Variants in GABRG2 observed in about 807,000 individuals in gnomAD.
GABRG2 encodes gamma-aminobutyric acid receptor subunit gamma-2.
In GABRG2, 16 loss-of-function variants were observed where a neutral mutation model predicts 56.4. That is an observed-to-expected ratio of 0.28 (90% CI 0.19 to 0.43). The LOEUF is 0.43. Ranked by LOEUF, GABRG2 falls within the 20% of genes least tolerant of loss-of-function variation. The probability of loss-of-function intolerance (pLI) is 1.00; values close to 1 mark genes in which losing one functional copy is unlikely to be tolerated. For synonymous variants in GABRG2, 208 were observed against 205.5 expected, an observed-to-expected ratio of 1.01 and a Z score of -0.10; for missense variants, 327 against 582.7, an observed-to-expected ratio of 0.56 and a Z score of 4.52.
chr5:162,086,522 C>G (rs571098194), intron 1 of GABRG2, among the ~76,000 whole-genome samples: 1 of 151,770 alleles, frequency 6.6e-6, no homozygotes, highest in African/African-American at 2.4e-5. Context: ...AAATAAAAAC[C>G]CATGTAATTG....
intron 6 of GABRG2, among the ~76,000 whole-genome samples, chr5:162,133,932 A>C (rs1301644530): frequency 6.6e-6 from 1 of 152,148 alleles, no homozygotes; most frequent in African/African-American, 2.4e-5. Context: ...TATTCCAGAC[A>C]AATGAGTTTT....
At chr5:162,141,214 T>A (rs1192752780) in intron 6 of GABRG2, among the ~76,000 whole-genome samples, 2 of 152,006 alleles carry the variant, frequency 1.3e-5, no homozygotes, top group Non-Finnish European at 2.9e-5. Flanking sequence ...TTTTTTGTAT[T>A]TTTTAGTAGA....
rs577410631 is a variant in GABRG2, at chr5:162,077,351, TTTA to T, written c.107+9253_107+9255del. Reference sequence around the variant, plus strand: ...TAATACTTATGCATATGAGTTCTTTTTTATTATTATGAATTCCATGGTATGAAT... The same window carrying T: ...TAATACTTATGCATATGAGTTCTTTTTTATTATGAATTCCATGGTATGAAT... On this transcript the variant is annotated intron_variant, in intron 1 of 9. Coordinates refer to ENST00000639213, the MANE Select transcript of GABRG2 (RefSeq NM_198904.4). 4.5e-4 allele frequency among the ~76,000 whole-genome samples: 69 copies of T among 152,296 alleles called. 1 individual carries two copies. In the South Asian group the frequency reaches 0.014, roughly 32 times the overall value.
chr5:162,129,630 A>C (rs1763583852), intron 6 of GABRG2, among the ~76,000 whole-genome samples: 1 of 151,956 alleles, frequency 6.6e-6, no homozygotes, highest in Non-Finnish European at 1.5e-5. Context: ...CATCTGCGAA[A>C]AAAACAGACC....
intron 6 of GABRG2, among the ~76,000 whole-genome samples, chr5:162,117,703 T>C (rs996673103): frequency 6.6e-6 from 1 of 152,122 alleles, no homozygotes; most frequent in Admixed American, 6.6e-5. Flanking sequence ...AATTAACAAG[T>C]GTAGGGGACC....
At chr5:162,138,146 A>G (rs950908291) in intron 6 of GABRG2, among the ~76,000 whole-genome samples, 4 of 152,152 alleles carry the variant, frequency 2.6e-5, no homozygotes, top group African/African-American at 9.7e-5. Context: ...TTTATGTTAT[A>G]CTTGACAAAG....
intron 6 of GABRG2, among the ~76,000 whole-genome samples, chr5:162,123,042 A>G (rs1210573747): frequency 6.6e-6 from 1 of 151,778 alleles, no homozygotes; most frequent in Non-Finnish European, 1.5e-5. Flanking sequence ...AGAAAGTACC[A>G]ATATGAAAAC....
At chr5:162,104,090 A>G in intron 6 of GABRG2, 64 bp downstream of exon 6, 1 of 1,527,830 alleles carries the variant, frequency 6.5e-7, no homozygotes, top group East Asian at 2.3e-5. Context: ...GTATATATGA[A>G]TTAGAAGATT....
At chr5:162,149,020 GT>G (rs1427593418) in intron 7 of GABRG2, 87 bp from the exon 8 acceptor site, 13 of 1,191,750 alleles carry the variant, frequency 1.1e-5, no homozygotes, top group Admixed American at 1.7e-5. Context: ...CCCATCAGAA[GT>G]CATGAAACAA....
chr5:162,127,158 C>T (rs1468641955), intron 6 of GABRG2, among the ~76,000 whole-genome samples: 2 of 151,912 alleles, frequency 1.3e-5, no homozygotes, highest in Admixed American at 1.3e-4. Flanking sequence ...GCCGGAAGCT[C>T]ATAACTCTTG....
chr5:162,130,599 A>G (rs1250971753), intron 6 of GABRG2, among the ~76,000 whole-genome samples: 1 of 151,902 alleles, frequency 6.6e-6, no homozygotes, highest in Non-Finnish European at 1.5e-5. Flanking sequence ...ATTTCTCCAA[A>G]ATAGGTTTCT....
intron 1 of GABRG2, among the ~76,000 whole-genome samples, chr5:162,086,141 C>T (rs973074234): frequency 2.0e-5 from 3 of 151,968 alleles, no homozygotes; most frequent in Admixed American, 1.3e-4. Context: ...TTGAAGAGAG[C>T]AATGGCAACC....
intron 3 of GABRG2, 99 bp from the exon 4 acceptor site, chr5:162,097,539 G>T: frequency 1.1e-6 from 1 of 948,898 alleles, no homozygotes; most frequent in Non-Finnish European, 1.6e-6. Context: ...AGATAGCTTT[G>T]CTTCATATTG....
Position 162,142,187 on chromosome 5 carries a change from T to C in GABRG2, c.793T>C (p.Tyr265His). 6.2e-7 allele frequency: 1 copy of C among 1,614,110 alleles called. No homozygotes were observed. The highest frequency in any genetic ancestry group is 8.5e-7 in the Non-Finnish European group (1 of 1,179,970). The change falls in exon 7 of 10, where the codon TAC becomes CAC. Residue 265 changes from tyrosine (Y) to histidine (H), a missense_variant. Transcript: ENST00000639213. ...AGGAGATTATGTGGTCATGTCTGTC[T>C]ACTTTGATCTGAGCAGAAGAATGGG... ...TSGDYVVMSV[Y>H]FDLSRRMGYF...
chr5:162,119,806 A>G (rs1272666011), intron 6 of GABRG2, among the ~76,000 whole-genome samples: 2 of 152,132 alleles, frequency 1.3e-5, no homozygotes, highest in Admixed American at 6.6e-5. Flanking sequence ...TGTCCTAAAT[A>G]TACCTTAATT....
chr5:162,133,165 C>G (rs1763876847), intron 6 of GABRG2, among the ~76,000 whole-genome samples: 1 of 151,982 alleles, frequency 6.6e-6, no homozygotes, highest in Non-Finnish European at 1.5e-5. Flanking sequence ...AAAAATCACT[C>G]AACAGGAATA....
intron 6 of GABRG2, among the ~76,000 whole-genome samples, chr5:162,129,551 A>G (rs1000687549): frequency 1.4e-4 from 22 of 151,970 alleles, no homozygotes; most frequent in African/African-American, 5.3e-4. Context: ...GTGCTAAAAC[A>G]CCATAGGAAT....
At chr5:162,128,388 G>A (rs1763485753) in intron 6 of GABRG2, 1 of 152,040 alleles carries the variant, frequency 6.6e-6, no homozygotes, top group South Asian at 2.1e-4. Flanking sequence ...GACTAAGTGT[G>A]GTAAGACTGT....
At chr5:162,106,448 T>G (rs1260707179) in intron 6 of GABRG2, among the ~76,000 whole-genome samples, 1 of 152,162 alleles carries the variant, frequency 6.6e-6, no homozygotes, top group Non-Finnish European at 1.5e-5. Flanking sequence ...GCAGGCTGAT[T>G]TCTGTGACAG....
Sources: allele counts gnomAD v4.1 joint callset (sites outside exome capture counted in the v4.1 genomes callset), GRCh38; gene constraint gnomAD v4.1.1; transcripts MANE v1.5; gene names NCBI Gene and HGNC (gene_info 2026-07-23, HGNC 2026-07-21).